TANC2: variants seen among roughly 807,000 people sequenced by gnomAD.
TANC2 encodes the protein protein TANC2.
TANC2 carries 26 observed loss-of-function variants against 210.5 expected under a neutral mutation model. That is an observed-to-expected ratio of 0.12 (90% CI 0.09 to 0.17). The LOEUF (loss-of-function observed/expected upper bound fraction) is 0.17, where lower values mean the gene tolerates loss of function less well. Ranked by LOEUF, TANC2 falls within the 10% of genes least tolerant of loss-of-function variation. TANC2 has a pLI of 1.00. For synonymous variants in TANC2, 931 were observed against 967.1 expected (o/e 0.96, Z 0.69); for missense variants, 2,129 against 2,608.9 (o/e 0.82, Z 4.01).
chr17:63,002,066 C>A (rs1336430885), intron 1 of TANC2, among the ~76,000 whole-genome samples: 1 of 152,100 alleles, frequency 6.6e-6, no homozygotes, highest in Non-Finnish European at 1.5e-5. Context: ...TATAAGATGT[C>A]TTTTGGAGGT....
chr17:63,028,235 A>G (rs1176794955), intron 2 of TANC2, among the ~76,000 whole-genome samples: 1 of 152,168 alleles, frequency 6.6e-6, no homozygotes, highest in Admixed American at 6.6e-5. Context: ...AACAAGTAAC[A>G]TTGAAAATGT....
At chr17:63,245,703 G>C (rs113392954) in intron 8 of TANC2, among the ~76,000 whole-genome samples, 1 of 151,932 alleles carries the variant, frequency 6.6e-6, no homozygotes, top group African/African-American at 2.4e-5. Flanking sequence ...TTAGCTGGGC[G>C]TGGTGGCAGG....
At chr17:63,210,183 G>A (rs1413753713) in intron 7 of TANC2, among the ~76,000 whole-genome samples, 1 of 152,098 alleles carries the variant, frequency 6.6e-6, no homozygotes, top group African/African-American at 2.4e-5. Context: ...ACTCCCCAAG[G>A]CTGACTCTCA....
intron 2 of TANC2, among the ~76,000 whole-genome samples, chr17:63,015,383 A>G (rs900154171): frequency 1.1e-4 from 17 of 152,220 alleles, no homozygotes; most frequent in African/African-American, 4.1e-4. Flanking sequence ...TTTGTTACAT[A>G]TGTATGCACG....
At chr17:63,238,629 T>C (rs1275098608) in intron 8 of TANC2, among the ~76,000 whole-genome samples, 1 of 152,160 alleles carries the variant, frequency 6.6e-6, no homozygotes, top group Non-Finnish European at 1.5e-5. Context: ...TAAAGAATAA[T>C]TCTGCAACAC....
intron 7 of TANC2, 72 bp from the exon 8 acceptor site, chr17:63,237,742 A>G (rs942864956): frequency 3.2e-5 from 45 of 1,423,110 alleles, no homozygotes; most frequent in Non-Finnish European, 4.2e-5. Context: ...GTGTGTTTTT[A>G]TCAACTTTGT....
intron 7 of TANC2, among the ~76,000 whole-genome samples, chr17:63,209,666 C>T (rs2041827564): frequency 6.6e-6 from 1 of 152,112 alleles, no homozygotes; most frequent in East Asian, 1.9e-4. Context: ...AACTCCTGAC[C>T]TCGTGATCCA....
chr17:63,121,178 GAATT>G lies in TANC2; in HGVS notation c.322+21825_322+21828del, dbSNP rs540172749. 3.0e-4 allele frequency among the ~76,000 whole-genome samples: 45 copies of G among 152,120 alleles called. No homozygotes were observed. In the South Asian group the frequency reaches 9.4e-3, roughly 32 times the overall value. On this transcript the variant is annotated intron_variant, in intron 4 of 27. Transcript: ENST00000689528. ...TCATCCTAGCTATTTTTTCTCATGG[GAATT>G]AATCATAATATTTCGGTGATAAATG...
At chr17:63,299,998 T>A (rs2044660319) in intron 9 of TANC2, among the ~76,000 whole-genome samples, 1 of 152,232 alleles carries the variant, frequency 6.6e-6, no homozygotes, top group Admixed American at 6.5e-5. Context: ...GTTTTCTGCA[T>A]ATGGCTAGCC....
chr17:63,371,770 A>G (rs1304654390), intron 14 of TANC2, among the ~76,000 whole-genome samples: 2 of 152,244 alleles, frequency 1.3e-5, no homozygotes, highest in African/African-American at 4.8e-5. Flanking sequence ...CCATAATGTT[A>G]AATGAGGATA....
intron 7 of TANC2, among the ~76,000 whole-genome samples, chr17:63,215,412 T>C (rs1239552881): frequency 6.6e-6 from 1 of 152,158 alleles, no homozygotes; most frequent in Non-Finnish European, 1.5e-5. Flanking sequence ...TTCCGAGTCA[T>C]AGGAGCATCT....
At chr17:63,013,516 C>T (rs999363329) in intron 2 of TANC2, among the ~76,000 whole-genome samples, 13 of 152,180 alleles carry the variant, frequency 8.5e-5, no homozygotes, top group Admixed American at 3.9e-4. Flanking sequence ...AATCCTAGCA[C>T]TTTGGGAGGC....
rs183927807 is a variant in TANC2, at chr17:63,362,535, G to A, written c.2582+7145G>A. On this transcript the variant is annotated intron_variant, in intron 14 of 27. Coordinates refer to ENST00000689528, the Ensembl canonical transcript of TANC2. ...TCATGCCGAGAGGCACCTGCAGGCC[G>A]AGAGGCACCTGCAGGCCTGCACCAA... 2.8e-3 allele frequency among the ~76,000 whole-genome samples: 430 copies of A among 152,060 alleles called. 1 individual carries two copies. Among genetic ancestry groups the A allele is most frequent in the African/African-American group, 1.0e-2 (414 of 41,524 alleles).
At chr17:63,380,145 G>C (rs1343624232) in intron 15 of TANC2, among the ~76,000 whole-genome samples, 3 of 152,160 alleles carry the variant, frequency 2.0e-5, no homozygotes. Context: ...ATTAGTTGCA[G>C]GTTTTCATGA....
chr17:63,399,867 A>G (rs2048289397), intron 19 of TANC2, among the ~76,000 whole-genome samples: 1 of 152,244 alleles, frequency 6.6e-6, no homozygotes, highest in African/African-American at 2.4e-5. Context: ...ATCATGTGGA[A>G]TGGTCCAAAA....
intron 8 of TANC2, among the ~76,000 whole-genome samples, chr17:63,238,421 T>C (rs1019251022): frequency 6.6e-6 from 1 of 152,214 alleles, no homozygotes; most frequent in African/African-American, 2.4e-5. Context: ...TTAGTTCTTT[T>C]CTTAAAATCT....
At chr17:63,139,513 A>G (rs1009308315) in intron 4 of TANC2, among the ~76,000 whole-genome samples, 2 of 152,202 alleles carry the variant, frequency 1.3e-5, no homozygotes, top group Non-Finnish European at 2.9e-5. Context: ...CTGTAGTCCC[A>G]GCTACTTGTT....
intron 2 of TANC2, among the ~76,000 whole-genome samples, chr17:63,013,023 A>C (rs899615774): frequency 9.9e-5 from 15 of 151,972 alleles, no homozygotes; most frequent in African/African-American, 3.4e-4. Context: ...TGTTTATCTG[A>C]AAATGTCTTT....
exon 7 of TANC2, chr17:63,200,781 T>C: frequency 6.2e-6 from 10 of 1,612,730 alleles, no homozygotes; most frequent in Non-Finnish European, 8.5e-6. Flanking sequence ...ACCTCAGCAA[T>C]CACCCAGCGG....
Sources: gnomAD v4.1 joint callset for allele counts (sites outside exome capture counted in the v4.1 genomes callset) on GRCh38, gnomAD v4.1.1 for gene constraint, MANE v1.5 for transcripts, NCBI Gene and HGNC (gene_info 2026-07-23, HGNC 2026-07-21) for gene names.